Variants in RP1 observed in about 807,000 individuals in gnomAD.
RP1 encodes RP1 axonemal microtubule associated, also known as oxygen-regulated protein 1.
In RP1, 16 loss-of-function variants were observed where a neutral mutation model predicts 14.8. That is an observed-to-expected ratio of 1.08 (90% confidence interval 0.73 to 1.65). RP1 has a LOEUF of 1.65. RP1 is among the 40% of genes most tolerant of loss of function. The pLI is 0.00. For synonymous variants in RP1, 876 were observed against 883.6 expected (o/e 0.99, Z 0.15); for missense variants, 2,631 against 2,535.0 (o/e 1.04, Z -0.81).
exon 22 of RP1, chr8:54,758,980 G>A (rs771602011): frequency 2.2e-5 from 34 of 1,535,732 alleles, no homozygotes; most frequent in South Asian, 1.2e-4. Context: ...GTGCTGTTGC[G>A]CTGTGAGGCC....
intron 1 of RP1, among the ~76,000 whole-genome samples, chr8:54,591,175 A>G (rs944482973): frequency 3.3e-5 from 5 of 152,146 alleles, no homozygotes; most frequent in Non-Finnish European, 5.9e-5. Context: ...AGCAACCACA[A>G]TGATCTCTTT....
At chr8:54,666,716 C>T (rs1160149680) in intron 7 of RP1, among the ~76,000 whole-genome samples, 1 of 151,986 alleles carries the variant, frequency 6.6e-6, no homozygotes, top group Non-Finnish European at 1.5e-5. Context: ...AGTCAGACCT[C>T]TTCCAGGGAG....
At chr8:54,788,126 G>A (rs750672442) in intron 24 of RP1, among the ~76,000 whole-genome samples, 3 of 152,152 alleles carry the variant, frequency 2.0e-5, no homozygotes, top group African/African-American at 4.8e-5. Context: ...TTTTTCAGAT[G>A]AATGAAGGCA....
chr8:54,655,936 A>G, intron 5 of RP1: 1 of 485,036 alleles, frequency 2.1e-6, no homozygotes, highest in Non-Finnish European at 3.5e-6. Context: ...ATGGCAGTAA[A>G]AGAAGAAATT....
chr8:54,685,047 C>T (rs1174333718), intron 12 of RP1, among the ~76,000 whole-genome samples: 2 of 152,058 alleles, frequency 1.3e-5, no homozygotes, highest in Admixed American at 1.3e-4. Context: ...GGCTTAATAC[C>T]TAGGTGATGG....
At chr8:54,678,348 A>G (rs1585599688) in intron 8 of RP1, 1 of 806,622 alleles carries the variant, frequency 1.2e-6, no homozygotes, top group African/African-American at 1.8e-5. Flanking sequence ...AAAGCTTTAT[A>G]TTGTACAAGA....
At chr8:54,862,501 G>GGGTAAA (rs1232852765) in intron 27 of RP1, among the ~76,000 whole-genome samples, 18 of 151,968 alleles carry the variant, frequency 1.2e-4, no homozygotes, top group Non-Finnish European at 2.5e-4. Context: ...ATAATATTTA[G>GGGTAAA]GGTAAAGGTA....
At chr8:54,634,902 A>T (rs1438661219), downstream of RP1, among the ~76,000 whole-genome samples, 1 of 152,130 alleles carries the variant, frequency 6.6e-6, no homozygotes, top group Non-Finnish European at 1.5e-5. Context: ...GAACACGTTG[A>T]AACTCCATCT....
chr8:54,667,717 T>C (rs538173516), intron 7 of RP1, among the ~76,000 whole-genome samples: 4 of 152,268 alleles, frequency 2.6e-5, no homozygotes, highest in Non-Finnish European at 5.9e-5. Flanking sequence ...TATTTGTTTA[T>C]TTGGTACGTC....
At chr8:54,788,980 C>T (rs957320287) in intron 24 of RP1, among the ~76,000 whole-genome samples, 3 of 152,206 alleles carry the variant, frequency 2.0e-5, no homozygotes, top group African/African-American at 7.2e-5. Flanking sequence ...CTCAGGCTGG[C>T]ATGGCATCAT....
intron 28 of RP1, chr8:54,866,059 A>G (rs1812451383): frequency 2.5e-6 from 1 of 395,118 alleles, no homozygotes; most frequent in Non-Finnish European, 4.5e-6. Context: ...TTCTCTCCTC[A>G]AGAAGCTGTC....
At chr8:54,566,998 G>A (rs1804424038) in intron 1 of RP1, among the ~76,000 whole-genome samples, 1 of 152,148 alleles carries the variant, frequency 6.6e-6, no homozygotes, top group East Asian at 1.9e-4. Flanking sequence ...AGCCCGGTGT[G>A]AGGTCTGGAA....
At position 54,868,272 on chromosome 8, in the gene RP1, C is replaced by T. The variant is rs114023528; in HGVS notation, c.4152-1571C>T. Among the ~76,000 whole-genome samples the T allele has an allele frequency of 7.4e-3, 1,132 of 152,120 alleles. 5 individuals carry two copies. The highest frequency in any genetic ancestry group is 9.4e-3 in the African/African-American group (392 of 41,508). On this transcript the variant is annotated intron_variant, in intron 28 of 28. Transcript: ENST00000637698. ...AATTGGACTTACAGAAACAAAATGACGCAGATGAAAATATTTAAGATGGTT... is the reference window on the plus strand; with the variant it reads ...AATTGGACTTACAGAAACAAAATGATGCAGATGAAAATATTTAAGATGGTT...
intron 28 of RP1, among the ~76,000 whole-genome samples, chr8:54,867,852 A>T (rs934888523): frequency 1.4e-4 from 22 of 152,202 alleles, no homozygotes; most frequent in Admixed American, 1.4e-3. Flanking sequence ...AATAAAATCA[A>T]ATCAAATAAA....
rs1397100674 is a variant in RP1, at chr8:54,627,480, G to C, written c.3598G>C (p.Glu1200Gln). The C allele has an allele frequency of 6.2e-7, 1 of 1,613,988 alleles. No homozygotes were observed. The highest frequency in any genetic ancestry group is 1.1e-5 in the South Asian group (1 of 91,080). The change falls in exon 4 of 4, where the codon GAA becomes CAA. Residue 1200 changes from glutamate (E) to glutamine (Q), a missense_variant. Glu to Gln is a conservative substitution (Grantham distance 29). Transcript: ENST00000220676. ...TTSHFGLSEK[E>Q]QDMVPIDLSA... ...AAGCCACTTTGGACTCAGTGAGAAAGAACAAGACATGGTTCCAATAGATCT... is the reference window on the plus strand; with the variant it reads ...AAGCCACTTTGGACTCAGTGAGAAACAACAAGACATGGTTCCAATAGATCT...
intron 24 of RP1, among the ~76,000 whole-genome samples, chr8:54,821,470 TG>T (rs1390421635): frequency 6.6e-6 from 1 of 152,166 alleles, no homozygotes; most frequent in Non-Finnish European, 1.5e-5. Context: ...CTAGTAATCA[TG>T]GGGGTTTGAT....
chr8:54,678,559 C>T (rs1250640785), intron 9 of RP1: 36 of 1,516,970 alleles, frequency 2.4e-5, no homozygotes, highest in African/African-American at 4.2e-5. Context: ...ACTTTTACAT[C>T]GAAAAAATCC....
intron 24 of RP1, among the ~76,000 whole-genome samples, chr8:54,803,186 T>G (rs1419169531): frequency 1.3e-5 from 2 of 152,220 alleles, no homozygotes; most frequent in Non-Finnish European, 2.9e-5. Context: ...GTCTAATCAG[T>G]TTGTTTTTCA....
At chr8:54,753,039 A>G (rs1420159954) in intron 19 of RP1, among the ~76,000 whole-genome samples, 2 of 152,216 alleles carry the variant, frequency 1.3e-5, no homozygotes, top group Non-Finnish European at 2.9e-5. Flanking sequence ...CAGTAACCAT[A>G]TGAGATAGTC....
Sources: allele counts gnomAD v4.1 joint callset (sites outside exome capture counted in the v4.1 genomes callset), GRCh38; gene constraint gnomAD v4.1.1; transcripts MANE v1.5; gene names NCBI Gene and HGNC (gene_info 2026-07-23, HGNC 2026-07-21).